ZNF365: variants seen among roughly 807,000 people sequenced by gnomAD.
ZNF365 encodes the protein protein ZNF365.
ZNF365 carries 22 observed loss-of-function variants against 35.0 expected under a neutral mutation model. The observed-to-expected ratio is 0.63, with a 90% CI of 0.45 to 0.90. ZNF365 has a LOEUF of 0.90. Among genes scored for constraint, ZNF365 ranks in the 40% least tolerant of loss-of-function variants. The pLI is 0.00. For missense variants in ZNF365, 448 were observed against 500.3 expected (o/e 0.90, Z 1.00); for synonymous variants, 188 against 196.2 (o/e 0.96, Z 0.35).
In ZNF365 at chr10:62,395,847, G is replaced by A. The variant is rs59049001; in HGVS notation, c.925-2893G>A. Among the ~76,000 whole-genome samples the A allele has an allele frequency of 6.2e-3, 941 of 152,270 alleles. 6 individuals are homozygous for A. The highest frequency in any genetic ancestry group is 0.02 in the African/African-American group (818 of 41,548). On this transcript the variant is annotated intron_variant, in intron 3 of 4. Coordinates refer to ENST00000395254, the MANE Select transcript of ZNF365 (RefSeq NM_014951.3). ...TTCTGGTCCCAAGCATTTTGGATAA[G>A]AGTTAGTCAAACCTGTACTTAGGTT... is the stretch of plus-strand genomic sequence containing the variant.
At chr10:62,434,141 C>T (rs1461977234) in intron 3 of ZNF365, among the ~76,000 whole-genome samples, 5 of 152,112 alleles carry the variant, frequency 3.3e-5, no homozygotes, top group Admixed American at 1.3e-4. Flanking sequence ...CAGGGTGAGG[C>T]CTGAGAATTG....
intron 4 of ZNF365, among the ~76,000 whole-genome samples, chr10:62,475,848 A>T (rs1389173982): frequency 6.6e-6 from 1 of 152,186 alleles, no homozygotes; most frequent in Non-Finnish European, 1.5e-5. Flanking sequence ...AGGTGCCGGC[A>T]GCTGGGTAGT....
At chr10:62,463,962 C>A (rs905835591) in intron 4 of ZNF365, among the ~76,000 whole-genome samples, 3 of 152,082 alleles carry the variant, frequency 2.0e-5, no homozygotes, top group African/African-American at 7.3e-5. Context: ...CTGACACCAG[C>A]GGGATGTAGG....
chr10:62,457,232 A>G (rs1451874309), intron 3 of ZNF365, among the ~76,000 whole-genome samples: 3 of 152,228 alleles, frequency 2.0e-5, no homozygotes, highest in African/African-American at 4.8e-5. Flanking sequence ...TTAGCCAAAG[A>G]AAGTCACATG....
chr10:62,376,566 T>TA lies in ZNF365; in HGVS notation c.374dup (p.Tyr125Ter). The change falls in exon 2 of 5, where the codon TAT becomes TAAT. Residue 125 changes from tyrosine (Y) to a stop codon, truncating the protein, a stop_gained and frameshift_variant. Transcript: ENST00000395254. LOFTEE classifies it high-confidence loss of function. Reference protein sequence around the residue: ...FEVVAERPVSYVQTYTAMDLH... With the variant: ...FEVVAERPVS ...GGTGGTGGCAGAGAGGCCTGTGTCC[T>TA]ATGTGCAGACCTACACTGCCATGGA... is the stretch of plus-strand genomic sequence containing the variant. 1 of 1,613,856 alleles carries TA rather than the reference T, an allele frequency of 6.2e-7. No homozygotes were observed. The highest frequency in any genetic ancestry group is 8.5e-7 in the Non-Finnish European group (1 of 1,179,966).
intron 3 of ZNF365, among the ~76,000 whole-genome samples, chr10:62,411,959 C>A (rs1839991157): frequency 6.6e-6 from 1 of 151,600 alleles, no homozygotes; most frequent in Non-Finnish European, 1.5e-5. Flanking sequence ...CCAAACAAAC[C>A]CCAAAACTAG....
intron 4 of ZNF365, among the ~76,000 whole-genome samples, chr10:62,473,730 G>GGGGTTT (rs1841082334): frequency 6.6e-6 from 1 of 152,100 alleles, no homozygotes; most frequent in South Asian, 2.1e-4. Context: ...TGTCCCACTG[G>GGGGTTT]GGGTTTGTTA....
chr10:62,387,680 C>T (rs1234514636), intron 2 of ZNF365, among the ~76,000 whole-genome samples: 2 of 151,784 alleles, frequency 1.3e-5, no homozygotes, highest in Non-Finnish European at 2.9e-5. Flanking sequence ...TTTGGGTTGA[C>T]CTCGTGGTAG....
At chr10:62,436,539 C>T (rs913053898) in intron 3 of ZNF365, among the ~76,000 whole-genome samples, 9 of 152,064 alleles carry the variant, frequency 5.9e-5, no homozygotes, top group Admixed American at 2.6e-4. Context: ...CTTTACAAGA[C>T]CTTAGTTGTT....
At chr10:62,436,926 G>GCACA (rs147641736) in intron 3 of ZNF365, among the ~76,000 whole-genome samples, 16 of 151,978 alleles carry the variant, frequency 1.1e-4, no homozygotes, top group African/African-American at 3.6e-4. Flanking sequence ...AATGTGGCTA[G>GCACA]CACACACACA....
Position 62,425,017 on chromosome 10 carries a change from C to T in ZNF365, c.925-34724C>T, listed in dbSNP as rs542109946. The stretch of plus-strand genomic sequence containing the variant: ...AGCCAATTTCCACACAACCTCCCTG[C>T]TCTGTCACCTTTAGAAACACATCCT... On this transcript the variant is annotated intron_variant, in intron 3 of 4. Transcript: ENST00000395255. Among the ~76,000 whole-genome samples, 3 of 152,250 alleles carry T rather than the reference C, an allele frequency of 2.0e-5. No homozygotes were observed. The East Asian group carries it at 5.8e-4, about 29-fold the overall frequency.
At chr10:62,395,840 T>C (rs1218153537) in intron 3 of ZNF365, among the ~76,000 whole-genome samples, 1 of 152,180 alleles carries the variant, frequency 6.6e-6, no homozygotes, top group Non-Finnish European at 1.5e-5. Flanking sequence ...CCAAGCATTT[T>C]GGATAAGAGT....
chr10:62,453,103 T>A (rs1404064884), intron 3 of ZNF365, among the ~76,000 whole-genome samples: 13 of 152,252 alleles, frequency 8.5e-5, no homozygotes, highest in African/African-American at 3.1e-4. Flanking sequence ...GGAATACAAG[T>A]ACTAAAAAAC....
intron 1 of ZNF365, among the ~76,000 whole-genome samples, chr10:62,374,703 C>G (rs111493962): frequency 0.019 from 2,850 of 152,306 alleles, 74 homozygotes; most frequent in African/African-American, 0.065. Context: ...GCCAGCCTGC[C>G]CTTCTCTGGC....
chr10:62,388,174 C>T (rs1839554737), intron 2 of ZNF365, among the ~76,000 whole-genome samples: 1 of 152,232 alleles, frequency 6.6e-6, no homozygotes. Flanking sequence ...TTATGACCAT[C>T]TGACATATAT....
At chr10:62,414,646 T>C (rs1300919755) in intron 3 of ZNF365, among the ~76,000 whole-genome samples, 2 of 152,208 alleles carry the variant, frequency 1.3e-5, no homozygotes, top group Non-Finnish European at 2.9e-5. Flanking sequence ...AACCTTCTGC[T>C]ACACACCCAA....
chr10:62,478,100 G>A (rs1039682772), intron 4 of ZNF365, among the ~76,000 whole-genome samples: 1 of 152,182 alleles, frequency 6.6e-6, no homozygotes, highest in Non-Finnish European at 1.5e-5. Context: ...GAAAAGGCCA[G>A]TCAGTATCTT....
intron 4 of ZNF365, among the ~76,000 whole-genome samples, chr10:62,474,869 A>T (rs1232714618): frequency 6.6e-6 from 1 of 152,156 alleles, no homozygotes; most frequent in African/African-American, 2.4e-5. Flanking sequence ...CTCTGATTGT[A>T]TGTTTCTGAC....
chr10:62,467,111 G>T (rs968660611), intron 4 of ZNF365, among the ~76,000 whole-genome samples: 2 of 152,184 alleles, frequency 1.3e-5, no homozygotes, highest in African/African-American at 4.8e-5. Context: ...AAAAAGGGCA[G>T]ATTTCATTTG....
Sources: gnomAD v4.1 joint callset for allele counts (sites outside exome capture counted in the v4.1 genomes callset) on GRCh38, gnomAD v4.1.1 for gene constraint, MANE v1.5 for transcripts, NCBI Gene and HGNC (gene_info 2026-07-23, HGNC 2026-07-21) for gene names.